Variants in ATP6V1E1 observed in about 807,000 individuals in gnomAD.
The protein encoded by ATP6V1E1 is ATPase H+ transporting V1 subunit E1.
In ATP6V1E1, 21 loss-of-function variants were observed where a neutral mutation model predicts 35.2. That is an observed-to-expected ratio of 0.60 (90% CI 0.42 to 0.86). The LOEUF is 0.86. Ranked by LOEUF, ATP6V1E1 falls within the 40% of genes least tolerant of loss-of-function variation. The pLI is 0.00. For missense variants in ATP6V1E1, 183 were observed against 272.6 expected, an observed-to-expected ratio of 0.67 and a Z score of 2.32; for synonymous variants, 83 against 87.8, an observed-to-expected ratio of 0.95 and a Z score of 0.30.
intron 4 of ATP6V1E1, among the ~76,000 whole-genome samples, chr22:17,602,372 A>G (rs975018110): frequency 6.9e-6 from 1 of 145,738 alleles, no homozygotes; most frequent in Admixed American, 6.9e-5. Context: ...CTAAAAGAAA[A>G]CTCAAGGCTT....
At chr22:17,619,064 T>G (rs767477042) in intron 2 of ATP6V1E1, 2 of 454,798 alleles carry the variant, frequency 4.4e-6, no homozygotes, top group South Asian at 3.1e-5. Flanking sequence ...GAGGACGAGG[T>G]AGGCGGATCA....
At chr22:17,620,828 C>T (rs2057872687) in intron 1 of ATP6V1E1, among the ~76,000 whole-genome samples, 1 of 152,082 alleles carries the variant, frequency 6.6e-6, no homozygotes, top group Non-Finnish European at 1.5e-5. Context: ...CTTTGGGAGG[C>T]CGAGGCGGGC....
At position 17,592,498 on chromosome 22, in the gene ATP6V1E1, T is replaced by C; in HGVS notation, c.*176A>G. ...GGTCCTGATCATATTACATGAAGCTTTCCACCATTGTGAACAATTAGGCAA... is the reference window on the plus strand; with the variant it reads ...GGTCCTGATCATATTACATGAAGCTCTCCACCATTGTGAACAATTAGGCAA... On this transcript the variant is annotated 3_prime_UTR_variant, in exon 9 of 9. Coordinates refer to ENST00000253413, the MANE Select transcript of ATP6V1E1 (RefSeq NM_001696.4). 1 of 683,282 alleles carries C rather than the reference T, an allele frequency of 1.5e-6. No homozygotes were observed. The highest frequency in any genetic ancestry group is 2.6e-5 in the East Asian group (1 of 37,960). The allele number at this position is 683,282 out of a possible 1,614,324, so 42.3% of individuals were successfully genotyped here. A position where few individuals can be genotyped will look rare whatever the true frequency, so the allele number is the denominator to read the frequency against.
At chr22:17,614,012 G>C (rs1392081382) in intron 2 of ATP6V1E1, among the ~76,000 whole-genome samples, 1 of 151,722 alleles carries the variant, frequency 6.6e-6, no homozygotes, top group Non-Finnish European at 1.5e-5. Flanking sequence ...ATGTGGTCGA[G>C]TAACCTCAGG....
chr22:17,599,350 G>A (rs2057749582), intron 6 of ATP6V1E1, among the ~76,000 whole-genome samples: 1 of 151,764 alleles, frequency 6.6e-6, no homozygotes, highest in Non-Finnish European at 1.5e-5. Context: ...GCTGAGACAG[G>A]CAGGTCACAA....
At chr22:17,615,689 A>C (rs1056194166) in intron 2 of ATP6V1E1, among the ~76,000 whole-genome samples, 1 of 150,676 alleles carries the variant, frequency 6.6e-6, no homozygotes, top group Non-Finnish European at 1.5e-5. Context: ...CATGAGGTCA[A>C]GAGTTCGAGA....
chr22:17,612,652 C>A (rs897707945), intron 4 of ATP6V1E1, 160 bp downstream of exon 4: 2 of 661,538 alleles, frequency 3.0e-6, no homozygotes, highest in African/African-American at 1.9e-5. Flanking sequence ...TCAATACAGG[C>A]CTTGGCTCTT....
chr22:17,626,541 AT>A (rs750597664), intron 1 of ATP6V1E1, among the ~76,000 whole-genome samples: 2,978 of 133,196 alleles, frequency 0.022, 98 homozygotes, highest in African/African-American at 0.072. Flanking sequence ...ACACCTGGCA[AT>A]TTTTTTTTTT....
chr22:17,624,945 G>A (rs2057896338), intron 1 of ATP6V1E1, among the ~76,000 whole-genome samples: 1 of 152,150 alleles, frequency 6.6e-6, no homozygotes, highest in Admixed American at 6.5e-5. Context: ...GGAACAAGAG[G>A]GAGAGAATTA....
At chr22:17,595,356 T>C (rs1373035001) in intron 7 of ATP6V1E1, 2 of 152,182 alleles carry the variant, frequency 1.3e-5, no homozygotes, top group African/African-American at 2.4e-5. Flanking sequence ...CTGTGTCAAT[T>C]TGATTTTATG....
intron 7 of ATP6V1E1, chr22:17,595,183 G>C (rs2057725595): frequency 6.6e-6 from 1 of 151,706 alleles, no homozygotes; most frequent in Non-Finnish European, 1.5e-5. Context: ...CAGTAGCTGG[G>C]ATTACAGGCA....
intron 4 of ATP6V1E1, among the ~76,000 whole-genome samples, chr22:17,609,717 C>T (rs886928881): frequency 6.6e-6 from 1 of 151,992 alleles, no homozygotes; most frequent in African/African-American, 2.4e-5. Context: ...GATCCGCCCG[C>T]CTCGGCCTCC....
rs191578138 is a variant in ATP6V1E1, at chr22:17,614,093, G to A, written c.100-773C>T. 2.8e-3 allele frequency among the ~76,000 whole-genome samples: 425 copies of A among 151,888 alleles called. 2 individuals are homozygous for A. The highest frequency in any genetic ancestry group is 5.6e-3 in the Admixed American group (85 of 15,264). ...TGGCTGGGCGCAGTGGCTCACGCCT[G>A]TAATCCCAGCACTTTGGGAGGCCAA... On this transcript the variant is annotated intron_variant, in intron 2 of 8. Coordinates refer to ENST00000253413, the MANE Select transcript of ATP6V1E1 (RefSeq NM_001696.4).
rs1223534201 is a variant in ATP6V1E1 at position 17,594,552 on chromosome 22, G to A, written c.595C>T (p.Arg199Trp). The change falls in exon 8 of 9, where the codon CGG becomes TGG. Residue 199 changes from arginine (R) to tryptophan (W), a missense_variant. Arg to Trp is a moderately radical substitution (Grantham distance 101). Coordinates refer to ENST00000253413, the MANE Select transcript of ATP6V1E1 (RefSeq NM_001696.4). ...ACCTGCTGGGCTATGAGATCCAGCC[G>A]GCTTTCCAGGGTGTTGGAAACCTTT... Reference protein sequence around the residue: ...KIKVSNTLESRLDLIAQQMMP... With the variant: ...KIKVSNTLESWLDLIAQQMMP... The A allele has an allele frequency of 3.8e-6, 6 of 1,592,742 alleles. No homozygotes were observed. The highest frequency in any genetic ancestry group is 5.1e-6 in the Non-Finnish European group (6 of 1,169,956).
upstream of ATP6V1E1, chr22:17,628,785 A>G: frequency 9.7e-7 from 1 of 1,029,356 alleles, no homozygotes; most frequent in Non-Finnish European, 1.5e-6. Flanking sequence ...GTGACTGCAC[A>G]GTTCATCCTC....
At chr22:17,619,880 C>G (rs1256862642) in intron 1 of ATP6V1E1, among the ~76,000 whole-genome samples, 1 of 152,042 alleles carries the variant, frequency 6.6e-6, no homozygotes, top group African/African-American at 2.4e-5. Flanking sequence ...ATAAATAGGA[C>G]CTTCATCCTC....
intron 4 of ATP6V1E1, 152 bp downstream of exon 4, chr22:17,612,660 C>A: frequency 1.4e-6 from 1 of 712,542 alleles, no homozygotes; most frequent in Non-Finnish European, 2.2e-6. Flanking sequence ...GGCCTTGGCT[C>A]TTATTCACTT....
At chr22:17,628,523 C>G in intron 1 of ATP6V1E1, 80 bp downstream of exon 1, 1 of 1,596,370 alleles carries the variant, frequency 6.3e-7, no homozygotes, top group Non-Finnish European at 8.6e-7. Context: ...GCTCAAGGCC[C>G]GCGGCCTTCC....
At chr22:17,619,406 A>C in intron 2 of ATP6V1E1, 55 bp downstream of exon 2, 1 of 1,473,950 alleles carries the variant, frequency 6.8e-7, no homozygotes, top group Non-Finnish European at 9.3e-7. Flanking sequence ...TATTTAGCAA[A>C]GCAAAACAAT....
Sources: gnomAD v4.1 joint callset for allele counts (sites outside exome capture counted in the v4.1 genomes callset) on GRCh38, gnomAD v4.1.1 for gene constraint, MANE v1.5 for transcripts, NCBI Gene and HGNC (gene_info 2026-07-23, HGNC 2026-07-21) for gene names.